UBE2E1: variants seen among roughly 807,000 people sequenced by gnomAD.
UBE2E1 encodes the protein ubiquitin-conjugating enzyme E2 E1.
In UBE2E1, 6 loss-of-function variants were observed where a neutral mutation model predicts 21.4. The observed-to-expected ratio is 0.28, with a 90% confidence interval of 0.15 to 0.55. UBE2E1 has a LOEUF of 0.55. Among genes scored for constraint, UBE2E1 ranks in the 20% least tolerant of loss-of-function variants. UBE2E1 has a pLI of 0.93. For missense variants in UBE2E1, 142 were observed against 236.5 expected (o/e 0.60, Z 2.62); for synonymous variants, 87 against 82.7 (o/e 1.05, Z -0.28).
intron 3 of UBE2E1, among the ~76,000 whole-genome samples, chr3:23,822,008 T>C (rs1166379300): frequency 7.9e-5 from 12 of 152,090 alleles, no homozygotes; most frequent in African/African-American, 2.2e-4. Flanking sequence ...ATGAGAAGAG[T>C]GCCCAGGATG....
intron 3 of UBE2E1, among the ~76,000 whole-genome samples, chr3:23,811,996 A>G (rs1008058820): frequency 6.6e-6 from 1 of 152,180 alleles, no homozygotes; most frequent in Non-Finnish European, 1.5e-5. Context: ...TCAGGAAACA[A>G]TTTCTGGCTT....
At chr3:23,882,616 G>T (rs1053268677) in intron 3 of UBE2E1, among the ~76,000 whole-genome samples, 3 of 150,744 alleles carry the variant, frequency 2.0e-5, no homozygotes, top group African/African-American at 7.3e-5. Flanking sequence ...GGCCACGTGG[G>T]AGCCCACTGC....
chr3:23,838,034 A>G (rs147725055), intron 3 of UBE2E1, among the ~76,000 whole-genome samples: 157 of 152,184 alleles, frequency 1.0e-3, no homozygotes, highest in Admixed American at 2.6e-3. Flanking sequence ...CTTTAAAAAT[A>G]TATAATAGGG....
chr3:23,874,438 C>T (rs1382501916), intron 3 of UBE2E1, among the ~76,000 whole-genome samples: 1 of 152,170 alleles, frequency 6.6e-6, no homozygotes, highest in Non-Finnish European at 1.5e-5. Flanking sequence ...GTCAGTTGTG[C>T]CCTGTGAACT....
intron 3 of UBE2E1, among the ~76,000 whole-genome samples, chr3:23,854,161 G>A (rs1700387164): frequency 1.3e-5 from 2 of 151,568 alleles, no homozygotes; most frequent in South Asian, 4.2e-4. Context: ...GGGAGGCTGA[G>A]GCAGGAGAAT....
chr3:23,868,574 T>C (rs187607885), intron 3 of UBE2E1, among the ~76,000 whole-genome samples: 3 of 152,332 alleles, frequency 2.0e-5, no homozygotes, highest in African/African-American at 7.2e-5. Flanking sequence ...CCCAAAGTGC[T>C]GGGATTATAG....
At chr3:23,833,633 T>C (rs183841803) in intron 3 of UBE2E1, among the ~76,000 whole-genome samples, 1 of 152,350 alleles carries the variant, frequency 6.6e-6, no homozygotes, top group East Asian at 1.9e-4. Context: ...TTCTTATATT[T>C]TACAGCAAAT....
At position 23,810,254 on chromosome 3, in the gene UBE2E1, C is replaced by T. The variant is rs752906394; in HGVS notation, c.153-1206C>T. On this transcript the variant is annotated intron_variant, in intron 2 of 5. Transcript: ENST00000306627. This position sits in a 1 kb window ranked among gnomAD's most constrained non-coding sequence, Gnocchi z 5.8. ...GAGGAAAGGTTATAAAATTAGGCAC[C>T]GTTTAGAAGGTGGAAGAAGCTTAGA... Among the ~76,000 whole-genome samples the T allele has an allele frequency of 2.7e-4, 41 of 152,026 alleles. 1 individual carries two copies. The highest frequency in any genetic ancestry group is 1.3e-4 in the Non-Finnish European group (9 of 68,008).
chr3:23,836,174 T>C lies in UBE2E1; in HGVS notation c.203+24664T>C, dbSNP rs1400732350. On this transcript the variant is annotated intron_variant, in intron 3 of 5. Transcript: ENST00000306627. The surrounding 1 kb of genome is among the most constrained non-coding windows in gnomAD (Gnocchi z 4.1). Reference sequence around the variant, plus strand: ...AGAAGTTAAAGCATTTTAAAAAGCCTTGTGAATAAATCTTTACAAGAGAGT... The same window carrying C: ...AGAAGTTAAAGCATTTTAAAAAGCCCTGTGAATAAATCTTTACAAGAGAGT... 6.6e-6 allele frequency among the ~76,000 whole-genome samples: 1 copy of C among 152,246 alleles called. No individual in the cohort carries two copies. Among genetic ancestry groups the C allele is most frequent in the Non-Finnish European group, 1.5e-5 (1 of 68,050 alleles).
intron 3 of UBE2E1, among the ~76,000 whole-genome samples, chr3:23,818,137 G>T (rs1185900458): frequency 1.3e-5 from 2 of 152,188 alleles, no homozygotes; most frequent in East Asian, 3.8e-4. Context: ...ACTTGAAAAG[G>T]AGTCGGGTTC....
At chr3:23,821,419 C>G (rs78191745) in intron 3 of UBE2E1, among the ~76,000 whole-genome samples, 1 of 152,136 alleles carries the variant, frequency 6.6e-6, no homozygotes, top group African/African-American at 2.4e-5. Flanking sequence ...ATTATGTAAA[C>G]CGTGCTAAGT....
At chr3:23,874,828 T>G (rs943700804) in intron 3 of UBE2E1, among the ~76,000 whole-genome samples, 1 of 152,218 alleles carries the variant, frequency 6.6e-6, no homozygotes, top group Non-Finnish European at 1.5e-5. Flanking sequence ...TTCTAATCAC[T>G]GCCGTACCCC....
intron 3 of UBE2E1, among the ~76,000 whole-genome samples, chr3:23,874,220 A>T (rs1011138144): frequency 6.6e-6 from 1 of 152,216 alleles, no homozygotes; most frequent in Non-Finnish European, 1.5e-5. Context: ...GAATTGAGTA[A>T]AACCTGATAA....
At chr3:23,820,775 A>C (rs375421992) in intron 3 of UBE2E1, among the ~76,000 whole-genome samples, 12 of 152,356 alleles carry the variant, frequency 7.9e-5, no homozygotes, top group East Asian at 7.7e-4. Context: ...GTCTTAGTAG[A>C]GTCTACTAGC....
rs1358574364 is a variant in UBE2E1 at position 23,863,162 on chromosome 3, C to G, written c.204-24405C>G. Among the ~76,000 whole-genome samples, 3 of 151,724 alleles carry G rather than the reference C, an allele frequency of 2.0e-5. No homozygotes were observed. The highest frequency in any genetic ancestry group is 4.4e-5 in the Non-Finnish European group (3 of 67,980). ...TTTATATCCTGTTTTTAGGTATATA[C>G]TCATATTACTTTATATTTCAGTTTT... On this transcript the variant is annotated intron_variant, in intron 3 of 5. Coordinates refer to ENST00000306627, the MANE Select transcript of UBE2E1 (RefSeq NM_003341.5). The surrounding 1 kb of genome is among the most constrained non-coding windows in gnomAD (Gnocchi z 4.3).
intron 3 of UBE2E1, among the ~76,000 whole-genome samples, chr3:23,877,773 G>A (rs116765467): frequency 7.9e-5 from 12 of 152,130 alleles, no homozygotes; most frequent in Admixed American, 1.3e-4. Flanking sequence ...TAAGCAGTCC[G>A]TGCCACATCT....
In UBE2E1 at chr3:23,861,015, G is replaced by T. The variant is rs114925074; in HGVS notation, c.204-26552G>T. Among the ~76,000 whole-genome samples, 1,039 of 152,296 alleles carry T rather than the reference G, an allele frequency of 6.8e-3. 14 individuals carry two copies. Among genetic ancestry groups the T allele is most frequent in the African/African-American group, 0.024 (991 of 41,558 alleles). ...ACCAAATGCTACACAGCCATGCTTG[G>T]AGTGATGCTTGGGATGTCTATTTAA... On this transcript the variant is annotated intron_variant, in intron 3 of 5. Coordinates refer to ENST00000306627, the MANE Select transcript of UBE2E1 (RefSeq NM_003341.5).
chr3:23,848,171 G>T (rs187072638), intron 3 of UBE2E1, among the ~76,000 whole-genome samples: 1 of 152,076 alleles, frequency 6.6e-6, no homozygotes, highest in Admixed American at 6.5e-5. Flanking sequence ...AAGGAAAAAC[G>T]TATATTAAAT....
At chr3:23,840,708 G>T (rs968562682) in intron 3 of UBE2E1, among the ~76,000 whole-genome samples, 4 of 152,170 alleles carry the variant, frequency 2.6e-5, no homozygotes, top group African/African-American at 9.7e-5. Flanking sequence ...GCATTGCGTA[G>T]TGTCCTCTCA....
Sources: allele counts gnomAD v4.1 joint callset (sites outside exome capture counted in the v4.1 genomes callset), GRCh38; gene constraint gnomAD v4.1.1; non-coding constraint Gnocchi (gnomAD v3.1); transcripts MANE v1.5; gene names NCBI Gene and HGNC (gene_info 2026-07-23, HGNC 2026-07-21).